Variants in RHBDD1 observed in about 807,000 individuals in gnomAD.
RHBDD1 encodes the protein rhomboid domain containing 1.
Under a neutral mutation model 36.3 loss-of-function variants are expected in RHBDD1, and 38 were observed. The ratio of observed to expected loss-of-function variants is 1.05; its 90% CI spans 0.81 to 1.37. The LOEUF is 1.37. Ranked by LOEUF, RHBDD1 falls within the 40% of genes most tolerant of loss-of-function variation. RHBDD1 has a pLI of 0.00. For synonymous variants in RHBDD1, 151 were observed against 136.5 expected (o/e 1.11, Z -0.74); for missense variants, 393 against 377.6 (o/e 1.04, Z -0.34).
At chr2:226,811,555 A>C in the RHBDD1 span, among the ~76,000 whole-genome samples, 1 of 152,154 alleles carries the variant, frequency 6.6e-6, no homozygotes, top group African/African-American at 2.4e-5. Flanking sequence ...CACCCCCCTC[A>C]GTCTCCCAAA....
chr2:226,988,729 T>C (rs1462969155), intron 8 of RHBDD1: 127 of 920,966 alleles, frequency 1.4e-4, no homozygotes, highest in Non-Finnish European at 1.6e-4. Flanking sequence ...GATATAGATA[T>C]ATTAAGAGAT....
intron 3 of RHBDD1, among the ~76,000 whole-genome samples, chr2:226,843,587 T>C (rs967379609): frequency 6.6e-6 from 1 of 152,196 alleles, no homozygotes; most frequent in African/African-American, 2.4e-5. Context: ...AATTTGTATA[T>C]GTTGAACCAA....
At chr2:226,883,382 T>TATACCAACCAG (rs1377191586) in intron 5 of RHBDD1, among the ~76,000 whole-genome samples, 1 of 152,244 alleles carries the variant, frequency 6.6e-6, no homozygotes, top group Non-Finnish European at 1.5e-5. Flanking sequence ...GAGACATTTC[T>TATACCAACCAG]ATACCAACCA....
Position 226,875,533 on chromosome 2 carries a change from C to A in RHBDD1, c.566+8215C>A, listed in dbSNP as rs563253443. On this transcript the variant is annotated intron_variant, in intron 5 of 8. Coordinates refer to ENST00000392062, the MANE Select transcript of RHBDD1 (RefSeq NM_001167608.3). ...AGTTTAGCAAAAGAAACACTAACTA[C>A]CCCCCAAACCAGAACAGAAGGTGGG... is the stretch of plus-strand genomic sequence containing the variant. Among the ~76,000 whole-genome samples, 9 of 152,044 alleles carry A rather than the reference C, an allele frequency of 5.9e-5. No individual in the cohort carries two copies. The South Asian group carries it at 1.0e-3, about 18-fold the overall frequency.
chr2:226,811,434 T>C, the RHBDD1 span, among the ~76,000 whole-genome samples: 2 of 152,208 alleles, frequency 1.3e-5, no homozygotes, highest in Admixed American at 6.5e-5. Flanking sequence ...CCTGAGTAGC[T>C]GGGATTACAG....
chr2:226,845,151 T>G (rs1942086709), intron 3 of RHBDD1, among the ~76,000 whole-genome samples: 3 of 152,222 alleles, frequency 2.0e-5, no homozygotes, highest in Non-Finnish European at 4.4e-5. Context: ...TTCAGGTTTC[T>G]TCTCTATATT....
intron 8 of RHBDD1, among the ~76,000 whole-genome samples, chr2:226,986,605 GA>G (rs1285172064): frequency 1.3e-5 from 2 of 152,186 alleles, no homozygotes; most frequent in Admixed American, 6.5e-5. Context: ...GGTCATTAGA[GA>G]AATGCAAATC....
intron 3 of RHBDD1, among the ~76,000 whole-genome samples, chr2:226,860,141 G>T (rs1220824940): frequency 6.6e-6 from 1 of 152,180 alleles, no homozygotes; most frequent in Non-Finnish European, 1.5e-5. Context: ...TGGATAGATG[G>T]AAATCCCATG....
intron 5 of RHBDD1, among the ~76,000 whole-genome samples, chr2:226,897,453 T>G (rs1947197256): frequency 6.6e-6 from 1 of 152,166 alleles, no homozygotes; most frequent in East Asian, 1.9e-4. Context: ...TATGTCTTAG[T>G]CCATTTAGTG....
intron 8 of RHBDD1, among the ~76,000 whole-genome samples, chr2:226,947,972 T>C (rs947753916): frequency 3.9e-5 from 6 of 152,144 alleles, no homozygotes; most frequent in African/African-American, 9.7e-5. Context: ...GTTGGTGGGA[T>C]TGTAAACTAG....
rs1166292191 is a variant in RHBDD1, at chr2:226,839,637, A to G, written c.-91+10A>G. 6.6e-6 allele frequency: 1 copy of G among 152,090 alleles called. No individual in the cohort carries two copies. The highest frequency in any genetic ancestry group is 1.5e-5 in the Non-Finnish European group (1 of 68,016). The allele number at this position is 152,090 out of a possible 1,614,324, so 9.4% of individuals were successfully genotyped here. A position where few individuals can be genotyped will look rare whatever the true frequency, so the allele number is the denominator to read the frequency against. On this transcript the variant is annotated intron_variant, in intron 3 of 8. Transcript: ENST00000392062. Reference sequence around the variant, plus strand: ...GGTATTAAGAATTCTGGTAAGTGGGATTCACAAACTTGTTCTGAAGACAAT... The same window carrying G: ...GGTATTAAGAATTCTGGTAAGTGGGGTTCACAAACTTGTTCTGAAGACAAT...
At chr2:226,889,121 C>A (rs1946477115) in intron 5 of RHBDD1, among the ~76,000 whole-genome samples, 1 of 152,176 alleles carries the variant, frequency 6.6e-6, no homozygotes, top group East Asian at 1.9e-4. Context: ...TATCCAGGGT[C>A]TTGAGCATGC....
intron 8 of RHBDD1, among the ~76,000 whole-genome samples, chr2:226,981,451 A>G (rs1204173877): frequency 6.6e-6 from 1 of 151,482 alleles, no homozygotes; most frequent in East Asian, 1.9e-4. Flanking sequence ...AAAAAAAAAG[A>G]TGTTAGTTTT....
intron 5 of RHBDD1, among the ~76,000 whole-genome samples, chr2:226,888,040 C>T (rs145165713): frequency 3.0e-3 from 463 of 152,294 alleles, no homozygotes; most frequent in African/African-American, 0.011. Context: ...GGCCTCCTTC[C>T]CTTTTCTTCC....
upstream of RHBDD1, chr2:226,835,530 G>A (rs775780273): frequency 2.0e-5 from 3 of 152,210 alleles, no homozygotes; most frequent in Non-Finnish European, 4.4e-5. Flanking sequence ...TGAAGCAGGA[G>A]AGTGTCTTTC....
At chr2:226,813,739 A>C in the RHBDD1 span, among the ~76,000 whole-genome samples, 2 of 152,214 alleles carry the variant, frequency 1.3e-5, no homozygotes, top group African/African-American at 4.8e-5. Flanking sequence ...ATCAGTGCTC[A>C]ATAAATATTA....
chr2:226,994,402 C>T (rs1050524884), intron 8 of RHBDD1, among the ~76,000 whole-genome samples: 36 of 152,074 alleles, frequency 2.4e-4, no homozygotes, highest in Admixed American at 1.2e-3. Flanking sequence ...CGGAAGGTGC[C>T]GAAAGCTGAA....
At chr2:226,942,486 G>A (rs6436641) in intron 8 of RHBDD1, 24 of 313,130 alleles carry the variant, frequency 7.7e-5, no homozygotes, top group African/African-American at 5.0e-4. Context: ...TGATCCACCC[G>A]CCTTGGCCTC....
chr2:226,822,030 G>A, the RHBDD1 span, among the ~76,000 whole-genome samples: 31 of 152,152 alleles, frequency 2.0e-4, no homozygotes, highest in Non-Finnish European at 3.7e-4. Flanking sequence ...GCTAGTGGTA[G>A]AGCTGAAAAT....
Sources: allele counts gnomAD v4.1 joint callset (sites outside exome capture counted in the v4.1 genomes callset), GRCh38; gene constraint gnomAD v4.1.1; transcripts MANE v1.5; gene names NCBI Gene and HGNC (gene_info 2026-07-23, HGNC 2026-07-21).